NPSR1: variants seen among roughly 807,000 people sequenced by gnomAD.
The protein encoded by NPSR1 is neuropeptide S receptor 1, also known as neuropeptide S receptor.
In NPSR1, 48 loss-of-function variants were observed where a neutral mutation model predicts 46.9. The ratio of observed to expected loss-of-function variants is 1.02; its 90% CI spans 0.81 to 1.30. NPSR1 has a LOEUF of 1.30. Ranked by LOEUF, NPSR1 falls within the 50% of genes most tolerant of loss-of-function variation. NPSR1 has a pLI of 0.00. For synonymous variants in NPSR1, 176 were observed against 168.1 expected (o/e 1.05, Z -0.36); for missense variants, 450 against 449.5 (o/e 1.00, Z -0.01).
chr7:34,821,699 T>C (rs1224524783), intron 4 of NPSR1, among the ~76,000 whole-genome samples: 1 of 152,204 alleles, frequency 6.6e-6, no homozygotes, highest in African/African-American at 2.4e-5. Context: ...GTGGAAAATA[T>C]GTCTAGTTCT....
intron 2 of NPSR1, among the ~76,000 whole-genome samples, chr7:34,693,108 T>C (rs558871137): frequency 1.2e-4 from 18 of 152,266 alleles, no homozygotes; most frequent in Admixed American, 1.2e-3. Flanking sequence ...TCTCTGGCCA[T>C]GTGATGTGCC....
At chr7:34,850,839 C>A (rs191166728), downstream of NPSR1, among the ~76,000 whole-genome samples, 1 of 152,146 alleles carries the variant, frequency 6.6e-6, no homozygotes, top group Non-Finnish European at 1.5e-5. Flanking sequence ...TAGGTTCCTG[C>A]GGCTTTTCCA....
rs1289453134 is a variant in NPSR1 at position 34,846,099 on chromosome 7, C to T, written c.844+1117C>T. Reference sequence around the variant, plus strand: ...GAACTGGGATAAAACATATACAACCCACCAGGGCTCAAAAACTTTCTGAGA... The same window carrying T: ...GAACTGGGATAAAACATATACAACCTACCAGGGCTCAAAAACTTTCTGAGA... On this transcript the variant is annotated intron_variant, in intron 7 of 8. Transcript: ENST00000360581. Among the ~76,000 whole-genome samples the T allele has an allele frequency of 3.3e-5, 5 of 152,174 alleles. No homozygotes were observed. The South Asian group carries it at 8.3e-4, about 25-fold the overall frequency.
chr7:34,758,667 A>T (rs928279930), intron 2 of NPSR1, among the ~76,000 whole-genome samples: 1 of 152,196 alleles, frequency 6.6e-6, no homozygotes, highest in Non-Finnish European at 1.5e-5. Flanking sequence ...CCCTGTACAC[A>T]TATTCCTGAA....
At chr7:34,736,640 G>T (rs1784680328) in intron 2 of NPSR1, among the ~76,000 whole-genome samples, 1 of 151,942 alleles carries the variant, frequency 6.6e-6, no homozygotes, top group African/African-American at 2.4e-5. Flanking sequence ...TCACTCTGTT[G>T]CCCAGGCTGG....
chr7:34,789,740 CAAAAAAAAAAAAAA>C (rs751424409), intron 3 of NPSR1, among the ~76,000 whole-genome samples: 3 of 45,348 alleles, frequency 6.6e-5, no homozygotes, highest in African/African-American at 2.6e-4. Flanking sequence ...TTGCAGTGCG[CAAAAAAAAAAAAAA>C]AAAAAAAAAA....
At chr7:34,739,801 T>C (rs1053784469) in intron 2 of NPSR1, among the ~76,000 whole-genome samples, 1 of 152,200 alleles carries the variant, frequency 6.6e-6, no homozygotes, top group Non-Finnish European at 1.5e-5. Context: ...CCTGCTCTGG[T>C]GCAGGTGGCA....
intron 2 of NPSR1, among the ~76,000 whole-genome samples, chr7:34,734,327 A>T (rs1583905623): frequency 1.3e-5 from 2 of 152,292 alleles, no homozygotes; most frequent in South Asian, 2.1e-4. Context: ...TGAGAATGCT[A>T]CTCTAAACCA....
intron 3 of NPSR1, among the ~76,000 whole-genome samples, chr7:34,809,625 G>C (rs1222214615): frequency 6.6e-6 from 1 of 151,884 alleles, no homozygotes; most frequent in Non-Finnish European, 1.5e-5. Context: ...CACTACGCCC[G>C]GCTAATTTTT....
At chr7:34,741,966 G>A (rs1436093803) in intron 2 of NPSR1, among the ~76,000 whole-genome samples, 3 of 152,198 alleles carry the variant, frequency 2.0e-5, no homozygotes, top group Non-Finnish European at 4.4e-5. Flanking sequence ...GTTGCTGGAT[G>A]TATGGAACCT....
intron 1 of NPSR1, among the ~76,000 whole-genome samples, chr7:34,662,928 G>C (rs1791528476): frequency 6.6e-6 from 1 of 152,072 alleles, no homozygotes; most frequent in South Asian, 2.1e-4. Context: ...CATAATCTTA[G>C]CTAATTCAGA....
intron 2 of NPSR1, among the ~76,000 whole-genome samples, chr7:34,705,072 T>TTA (rs1172245264): frequency 6.6e-6 from 1 of 152,186 alleles, no homozygotes; most frequent in Non-Finnish European, 1.5e-5. Context: ...TTGTCTCTTT[T>TTA]TATATACATA....
At chr7:34,804,553 C>G (rs1044329447) in intron 3 of NPSR1, among the ~76,000 whole-genome samples, 2 of 151,854 alleles carry the variant, frequency 1.3e-5, no homozygotes, top group African/African-American at 4.8e-5. Context: ...CTAAAAAAAC[C>G]ATACAGTTAA....
At position 34,786,541 on chromosome 7, in the gene NPSR1, G is replaced by A. The variant is rs991993670; in HGVS notation, c.384+7976G>A. Reference sequence around the variant, plus strand: ...ATGTTCTTAATGACATCTAAGTAGTGAGTCCTTCTGGAAGGTTTTCAATTT... The same window carrying A: ...ATGTTCTTAATGACATCTAAGTAGTAAGTCCTTCTGGAAGGTTTTCAATTT... On this transcript the variant is annotated intron_variant, in intron 3 of 8. Coordinates refer to ENST00000360581, the MANE Select transcript of NPSR1 (RefSeq NM_207172.2). 2.6e-5 allele frequency among the ~76,000 whole-genome samples: 4 copies of A among 152,228 alleles called. No individual in the cohort carries two copies. In the East Asian group the frequency reaches 7.7e-4, roughly 29 times the overall value.
intron 2 of NPSR1, chr7:34,750,788 T>C (rs117546349): frequency 0.013 from 8,883 of 694,476 alleles, 91 homozygotes; most frequent in Non-Finnish European, 0.017. Flanking sequence ...CAGGTCCTGC[T>C]GCACCTGCTC....
chr7:34,688,691 C>G (rs2128687469), intron 2 of NPSR1, among the ~76,000 whole-genome samples: 1 of 152,252 alleles, frequency 6.6e-6, no homozygotes, highest in South Asian at 2.1e-4. Context: ...ACATATCACC[C>G]AACTCGAGGT....
At chr7:34,737,060 T>G (rs1784713059) in intron 2 of NPSR1, among the ~76,000 whole-genome samples, 1 of 152,018 alleles carries the variant, frequency 6.6e-6, no homozygotes, top group African/African-American at 2.4e-5. Flanking sequence ...ATGACTTTGT[T>G]TCTACTCCAC....
intron 6 of NPSR1, among the ~76,000 whole-genome samples, chr7:34,843,776 G>T (rs1177177937): frequency 6.6e-6 from 1 of 152,230 alleles, no homozygotes; most frequent in South Asian, 2.1e-4. Flanking sequence ...TGAGAGCTGG[G>T]CAGTGCAGTG....
At chr7:34,835,580 C>T (rs541353419) in intron 6 of NPSR1, among the ~76,000 whole-genome samples, 78 of 152,228 alleles carry the variant, frequency 5.1e-4, no homozygotes, top group African/African-American at 1.9e-3. Flanking sequence ...CTACTTTTTC[C>T]AATAAGACTG....
Sources: allele counts gnomAD v4.1 joint callset (sites outside exome capture counted in the v4.1 genomes callset), GRCh38; gene constraint gnomAD v4.1.1; transcripts MANE v1.5; gene names NCBI Gene and HGNC (gene_info 2026-07-23, HGNC 2026-07-21).